NAALADL2: variants seen among roughly 807,000 people sequenced by gnomAD.
NAALADL2 encodes the protein inactive N-acetylated-alpha-linked acidic dipeptidase-like protein 2.
Under a neutral mutation model 87.2 loss-of-function variants are expected in NAALADL2, and 76 were observed. The observed-to-expected ratio is 0.87, with a 90% CI of 0.72 to 1.05. The LOEUF is 1.05. NAALADL2 is among the 50% of genes least tolerant of loss of function. The pLI is 0.00. For synonymous variants in NAALADL2, 354 were observed against 331.0 expected (o/e 1.07, Z -0.75); for missense variants, 1,089 against 945.8 (o/e 1.15, Z -1.99).
intron 11 of NAALADL2, among the ~76,000 whole-genome samples, chr3:175,727,069 T>C (rs1743035713): frequency 6.6e-6 from 1 of 152,144 alleles, no homozygotes; most frequent in Non-Finnish European, 1.5e-5. Context: ...GTTTATGTCT[T>C]CTTTCTTTGC....
At chr3:175,624,635 A>G (rs1726725971) in intron 10 of NAALADL2, among the ~76,000 whole-genome samples, 2 of 152,070 alleles carry the variant, frequency 1.3e-5, no homozygotes, top group Non-Finnish European at 1.5e-5. Context: ...TAAATTATGT[A>G]GCTAATGACA....
At chr3:175,643,157 G>A (rs967647627) in intron 11 of NAALADL2, among the ~76,000 whole-genome samples, 2 of 151,996 alleles carry the variant, frequency 1.3e-5, no homozygotes, top group Admixed American at 6.6e-5. Context: ...TAATGAAGAG[G>A]GGACTGATCT....
chr3:174,730,838 C>G (rs529830359), intron 2 of NAALADL2, among the ~76,000 whole-genome samples: 73 of 152,012 alleles, frequency 4.8e-4, no homozygotes, highest in Non-Finnish European at 3.8e-4. Context: ...ATCAATAACT[C>G]TCCATTATTT....
intron 2 of NAALADL2, among the ~76,000 whole-genome samples, chr3:175,114,210 A>C (rs1040032967): frequency 6.6e-6 from 1 of 151,526 alleles, no homozygotes; most frequent in African/African-American, 2.4e-5. Flanking sequence ...ATGCAGGTAT[A>C]GACAAAATGC....
At chr3:174,515,233 C>T (rs1345566619) in intron 1 of NAALADL2, among the ~76,000 whole-genome samples, 1 of 152,040 alleles carries the variant, frequency 6.6e-6, no homozygotes, top group Admixed American at 6.6e-5. Context: ...TTCTATTGGG[C>T]TCATACTTTG....
chr3:175,612,386 G>A (rs1303649369), intron 10 of NAALADL2, among the ~76,000 whole-genome samples: 1 of 152,094 alleles, frequency 6.6e-6, no homozygotes, highest in Non-Finnish European at 1.5e-5. Flanking sequence ...ATAAGCTGTT[G>A]TTCCTGGTTT....
chr3:174,979,481 A>G (rs2108645064), intron 1 of NAALADL2, among the ~76,000 whole-genome samples: 1 of 150,918 alleles, frequency 6.6e-6, no homozygotes, highest in East Asian at 2.0e-4. Flanking sequence ...AATTTTTTGT[A>G]TTTTTAGTAG....
At chr3:174,956,730 G>T (rs1293615460) in intron 1 of NAALADL2, among the ~76,000 whole-genome samples, 1 of 152,030 alleles carries the variant, frequency 6.6e-6, no homozygotes, top group Non-Finnish European at 1.5e-5. Flanking sequence ...GAGACACAGT[G>T]AAGTTAGATC....
chr3:174,727,648 A>C (rs1395332742), intron 2 of NAALADL2, among the ~76,000 whole-genome samples: 2 of 152,118 alleles, frequency 1.3e-5, no homozygotes, highest in Non-Finnish European at 2.9e-5. Context: ...ACCCCAAAGC[A>C]CAACCTCCCC....
intron 4 of NAALADL2, among the ~76,000 whole-genome samples, chr3:175,310,513 TA>T (rs1303775352): frequency 2.0e-5 from 3 of 152,086 alleles, no homozygotes; most frequent in Non-Finnish European, 4.4e-5. Flanking sequence ...CCTTTAGAGA[TA>T]TTTTATACTT....
chr3:175,013,742 G>A (rs1181776391), intron 1 of NAALADL2, among the ~76,000 whole-genome samples: 1 of 152,032 alleles, frequency 6.6e-6, no homozygotes, highest in Non-Finnish European at 1.5e-5. Context: ...TCCAGAAGCG[G>A]CCCTTCTTTA....
At chr3:174,543,984 G>A (rs2108473477) in intron 1 of NAALADL2, among the ~76,000 whole-genome samples, 1 of 151,366 alleles carries the variant, frequency 6.6e-6, no homozygotes, top group Non-Finnish European at 1.5e-5. Flanking sequence ...CTCCAGCCTG[G>A]GTGACAAGAG....
intron 13 of NAALADL2, among the ~76,000 whole-genome samples, chr3:175,769,223 C>T (rs1168915958): frequency 6.6e-6 from 1 of 152,174 alleles, no homozygotes; most frequent in Non-Finnish European, 1.5e-5. Flanking sequence ...CAGAACTGTA[C>T]CAGACACTGA....
intron 3 of NAALADL2, among the ~76,000 whole-genome samples, chr3:174,754,436 A>C (rs762209737): frequency 6.8e-6 from 1 of 145,992 alleles, no homozygotes; most frequent in Non-Finnish European, 1.5e-5. Flanking sequence ...AGGAAAGTAT[A>C]TTTCCACGTA....
Position 174,764,615 on chromosome 3 carries a change from AAAAC to A in NAALADL2, c.-9+26881_-9+26884del, listed in dbSNP as rs529018965. 8.3e-4 allele frequency among the ~76,000 whole-genome samples: 126 copies of A among 152,328 alleles called. 1 individual carries two copies. In the East Asian group the frequency reaches 0.02, roughly 24 times the overall value. ...CAGAGCGACACTCTGTCTCAAAATA[AAAAC>A]AAACAAACAAAAATAAATAAAAAGC... On this transcript the variant is annotated intron_variant, in intron 3 of 3. Transcript: ENST00000434257.
At chr3:175,654,818 G>T (rs1731228108) in intron 11 of NAALADL2, among the ~76,000 whole-genome samples, 1 of 152,130 alleles carries the variant, frequency 6.6e-6, no homozygotes, top group Non-Finnish European at 1.5e-5. Flanking sequence ...TGTGTTTCTT[G>T]GGAGCACTTT....
At chr3:175,094,464 C>T (rs1720751369) in intron 1 of NAALADL2, among the ~76,000 whole-genome samples, 1 of 151,952 alleles carries the variant, frequency 6.6e-6, no homozygotes, top group African/African-American at 2.4e-5. Context: ...CAGTGAGATT[C>T]AGTTTCTTCC....
chr3:174,883,170 A>G (rs968910566), intron 1 of NAALADL2, among the ~76,000 whole-genome samples: 3 of 151,786 alleles, frequency 2.0e-5, no homozygotes, highest in Non-Finnish European at 4.4e-5. Context: ...CACTGATTAG[A>G]TTGTGCCTAC....
intron 3 of NAALADL2, among the ~76,000 whole-genome samples, chr3:174,790,444 G>A (rs1466066930): frequency 6.6e-6 from 1 of 152,072 alleles, no homozygotes; most frequent in African/African-American, 2.4e-5. Context: ...GAGGTCAGGA[G>A]TTCGAGACCA....
Sources: gnomAD v4.1 joint callset for allele counts (sites outside exome capture counted in the v4.1 genomes callset) on GRCh38, gnomAD v4.1.1 for gene constraint, MANE v1.5 for transcripts, NCBI Gene and HGNC (gene_info 2026-07-23, HGNC 2026-07-21) for gene names.